DLG3: variants seen among roughly 807,000 people sequenced by gnomAD.
DLG3 encodes the protein disks large homolog 3.
A neutral mutation model predicts 64.1 loss-of-function variants in DLG3; 1 was observed. The ratio of observed to expected loss-of-function variants is 0.02; its 90% CI spans 0.01 to 0.07. The LOEUF (loss-of-function observed/expected upper bound fraction) is 0.07. Ranked by LOEUF, DLG3 falls within the 10% of genes least tolerant of loss-of-function variation. DLG3 has a pLI of 1.00. For missense variants in DLG3, 429 were observed against 669.5 expected (o/e 0.64, Z 3.96); for synonymous variants, 245 against 259.8 (o/e 0.94, Z 0.55).
chrX:70,492,038 C>G (rs1010677389), intron 10 of DLG3, 69 bp from the exon 11 acceptor site: 2 of 1,125,071 alleles, frequency 1.8e-6, no homozygotes, highest in Admixed American at 5.2e-5. Context: ...GGCCTTCCAT[C>G]TTTTCAAGGT....
chrX:70,483,115 A>C (rs964315957), intron 10 of DLG3, among the ~76,000 whole-genome samples: 2 of 109,992 alleles, frequency 1.8e-5, no homozygotes, highest in Admixed American at 1.9e-4. Flanking sequence ...CCCCACTCTT[A>C]AAAAGTAAAA....
intron 4 of DLG3, 71 bp downstream of exon 4, chrX:70,449,930 A>T: frequency 2.7e-6 from 3 of 1,122,305 alleles, no homozygotes; most frequent in Non-Finnish European, 3.6e-6. Context: ...CCCATAGGGA[A>T]TTGGAAGGGA....
chrX:70,462,046 C>T (rs57237102), intron 9 of DLG3, among the ~76,000 whole-genome samples: 1,446 of 89,986 alleles, frequency 0.016, 41 homozygotes, highest in African/African-American at 0.057. Flanking sequence ...CTCATCCCCC[C>T]CCCACCGCCC....
intron 10 of DLG3, 35 bp downstream of exon 10, chrX:70,479,299 G>T: frequency 1.9e-6 from 2 of 1,049,936 alleles, no homozygotes; most frequent in Non-Finnish European, 2.7e-6. Flanking sequence ...CCCTTGTGCT[G>T]GACGAGGAGA....
chrX:70,486,293 CAT>C (rs768068798), intron 10 of DLG3, among the ~76,000 whole-genome samples: 1 of 112,164 alleles, frequency 8.9e-6, no homozygotes, highest in African/African-American at 3.2e-5. Flanking sequence ...TAAGAAGTAA[CAT>C]ATTCAGGGGC....
In DLG3 at chrX:70,503,065, CTTTTGCCTGGGGTG is replaced by C. The variant is rs2087595369; in HGVS notation, c.*797_*810del. On this transcript the variant is annotated 3_prime_UTR_variant, in exon 19 of 19. Transcript: ENST00000374360. Reference sequence around the variant, plus strand: ...TCAGCCTGAGGCCGGAGAGGAAGGGCTTTTGCCTGGGGTGAGAGGGTGAGAGACTTGACCTGAAA... The same window carrying C: ...TCAGCCTGAGGCCGGAGAGGAAGGGCAGAGGGTGAGAGACTTGACCTGAAA... 1 of 110,980 alleles carries C rather than the reference CTTTTGCCTGGGGTG, an allele frequency of 9.0e-6. No homozygotes were observed. The highest frequency in any genetic ancestry group is 9.7e-5 in the Admixed American group (1 of 10,303). The allele number at this position is 110,980 out of a possible 1,213,427, so 9.1% of individuals were successfully genotyped here.
intron 18 of DLG3, among the ~76,000 whole-genome samples, chrX:70,501,413 CTG>C (rs58272461): frequency 3.2e-4 from 30 of 93,577 alleles, no homozygotes; most frequent in Admixed American, 4.9e-4. Flanking sequence ...GTCTGTCTGT[CTG>C]TGTGTGTGTG....
intron 7 of DLG3, among the ~76,000 whole-genome samples, 175 bp from the exon 8 acceptor site, chrX:70,453,462 C>T (rs2086649591): frequency 9.1e-6 from 1 of 109,918 alleles, no homozygotes; most frequent in South Asian, 3.9e-4. Context: ...AACTTGGCAC[C>T]TGACAGAACA....
chrX:70,475,343 G>A (rs770219990), intron 9 of DLG3, among the ~76,000 whole-genome samples: 55 of 111,699 alleles, frequency 4.9e-4, no homozygotes, highest in Non-Finnish European at 9.8e-4. Flanking sequence ...TCTGTGTACT[G>A]ACATGGATGA....
intron 18 of DLG3, among the ~76,000 whole-genome samples, chrX:70,501,413 C>CTGTGTGTGTGTGTGTGTGTGTGTG (rs58272461): frequency 2.4e-4 from 23 of 93,894 alleles, no homozygotes; most frequent in African/African-American, 9.0e-4. Context: ...GTCTGTCTGT[C>CTGTGTGTGTGTGTGTGTGTGTGTG]TGTGTGTGTG....
chrX:70,457,594 C>G (rs56098620), intron 9 of DLG3, among the ~76,000 whole-genome samples: 1 of 104,054 alleles, frequency 9.6e-6, no homozygotes, highest in Non-Finnish European at 2.0e-5. Flanking sequence ...TTTTTTGAGA[C>G]GGAGTCTTGC....
rs769473818 is a variant in DLG3, at chrX:70,472,568, G to GA, written c.1406-6573dup. On this transcript the variant is annotated intron_variant, in intron 9 of 18. Coordinates refer to ENST00000374360, the MANE Select transcript of DLG3 (RefSeq NM_021120.4). Reference sequence around the variant, plus strand: ...AGACTCCTGTCTCAGAAAAGAAAAAGAAAAAAAAAGAATTAGAGAGCTTCC... The same window carrying GA: ...AGACTCCTGTCTCAGAAAAGAAAAAGAAAAAAAAAAGAATTAGAGAGCTTCC... Among the ~76,000 whole-genome samples, 7 of 108,595 alleles carry GA rather than the reference G, an allele frequency of 6.4e-5. No individual in the cohort carries two copies. In the East Asian group the frequency reaches 1.2e-3, roughly 18 times the overall value. 94.3% of individuals were successfully genotyped at this position (108,595 alleles called of 115,157 possible). A position where few individuals can be genotyped will look rare whatever the true frequency, so the allele number is the denominator to read the frequency against.
At chrX:70,452,965 T>A (rs927444018) in intron 7 of DLG3, 1 of 370,026 alleles carries the variant, frequency 2.7e-6, no homozygotes, top group Non-Finnish European at 4.6e-6. Context: ...CTTCCTTAGA[T>A]GTGGTTAGTT....
intron 10 of DLG3, among the ~76,000 whole-genome samples, chrX:70,489,436 G>A (rs937230210): frequency 9.0e-6 from 1 of 111,027 alleles, no homozygotes; most frequent in Non-Finnish European, 1.9e-5. Context: ...CCAAGTGGCT[G>A]GGATTACAGG....
chrX:70,447,209 G>T (rs1348596470), intron 1 of DLG3, among the ~76,000 whole-genome samples: 1 of 111,364 alleles, frequency 9.0e-6, no homozygotes, highest in African/African-American at 3.3e-5. Context: ...TAGGGGTGGG[G>T]GCTAGAGCGT....
At chrX:70,460,011 G>A (rs1341916235) in intron 9 of DLG3, among the ~76,000 whole-genome samples, 1 of 111,140 alleles carries the variant, frequency 9.0e-6, no homozygotes, top group Non-Finnish European at 1.9e-5. Flanking sequence ...CAGGCCGGGC[G>A]CGGTGGCTCA....
intron 9 of DLG3, among the ~76,000 whole-genome samples, chrX:70,464,617 C>A (rs956469524): frequency 8.9e-6 from 1 of 111,817 alleles, no homozygotes; most frequent in Non-Finnish European, 1.9e-5. Context: ...TTGTCTTCCC[C>A]TCTTGAAATG....
At position 70,479,137 on chromosome X, in the gene DLG3, G is replaced by C; in HGVS notation, c.1406-13G>C. On this transcript the variant is annotated splice_polypyrimidine_tract_variant and intron_variant, in intron 9 of 18. Transcript: ENST00000374360. ...TCATTCTTTTCCCATCTTTTCCCTT[G>C]TTTCCGTGACAGAATACAGTCGCTT... 8.4e-7 allele frequency: 1 copy of C among 1,192,439 alleles called. No individual in the cohort carries two copies. The highest frequency in any genetic ancestry group is 1.1e-6 in the Non-Finnish European group (1 of 877,935).
chrX:70,480,352 C>CT (rs755009651), intron 10 of DLG3, among the ~76,000 whole-genome samples: 1 of 111,635 alleles, frequency 9.0e-6, no homozygotes, highest in Non-Finnish European at 1.9e-5. Context: ...GCTTGCTTTT[C>CT]TTTTTCCCCA....
Sources: allele counts gnomAD v4.1 joint callset (sites outside exome capture counted in the v4.1 genomes callset), GRCh38; gene constraint gnomAD v4.1.1; transcripts MANE v1.5; gene names NCBI Gene and HGNC (gene_info 2026-07-23, HGNC 2026-07-21).